The following SCHIP1 variants were observed in gnomAD, a reference collection of about 807,000 sequenced individuals.
The protein encoded by SCHIP1 is schwannomin interacting protein 1, also known as schwannomin-interacting protein 1.
A neutral mutation model predicts 29.7 loss-of-function variants in SCHIP1; 8 were observed. The ratio of observed to expected loss-of-function variants is 0.27; its 90% CI spans 0.16 to 0.49. The LOEUF is 0.49. SCHIP1 is among the 20% of genes least tolerant of loss of function. The probability of loss-of-function intolerance (pLI) is 0.99; values close to 1 mark genes in which losing one functional copy is unlikely to be tolerated. For synonymous variants in SCHIP1, 76 were observed against 94.9 expected (o/e 0.80, Z 1.16); for missense variants, 193 against 294.6 (o/e 0.66, Z 2.52).
chr3:159,445,827 G>A, the SCHIP1 span, among the ~76,000 whole-genome samples: 3 of 136,214 alleles, frequency 2.2e-5, no homozygotes, highest in South Asian at 7.1e-4. Flanking sequence ...ATTGAACAAT[G>A]AGAACACATG....
chr3:159,304,263 C>A, the SCHIP1 span, among the ~76,000 whole-genome samples: 1 of 152,044 alleles, frequency 6.6e-6, no homozygotes, highest in Non-Finnish European at 1.5e-5. Context: ...GTCTTTATAA[C>A]CATCATTTTA....
At chr3:159,640,175 T>G in the SCHIP1 span, among the ~76,000 whole-genome samples, 4 of 152,162 alleles carry the variant, frequency 2.6e-5, no homozygotes, top group African/African-American at 9.6e-5. Context: ...TAAGATAGTT[T>G]GACAATATAA....
At chr3:159,367,101 T>A in the SCHIP1 span, among the ~76,000 whole-genome samples, 6 of 152,156 alleles carry the variant, frequency 3.9e-5, no homozygotes, top group African/African-American at 1.4e-4. Flanking sequence ...TGAAAACTCC[T>A]CTTTGCCATA....
the SCHIP1 span, among the ~76,000 whole-genome samples, chr3:159,389,521 C>T: frequency 2.0e-5 from 3 of 152,036 alleles, no homozygotes; most frequent in South Asian, 6.2e-4. Context: ...CTTAGCAATT[C>T]CACTTATAGA....
At chr3:159,674,789 T>C in the SCHIP1 span, among the ~76,000 whole-genome samples, 12 of 152,278 alleles carry the variant, frequency 7.9e-5, no homozygotes, top group East Asian at 1.9e-3. Context: ...CAGTCGTACC[T>C]GGACCCACTG....
chr3:159,579,462 G>T, the SCHIP1 span, among the ~76,000 whole-genome samples: 1 of 152,154 alleles, frequency 6.6e-6, no homozygotes, highest in Admixed American at 6.6e-5. Context: ...ATATTTTGGG[G>T]TACTCCTATA....
At chr3:159,429,617 T>C in the SCHIP1 span, among the ~76,000 whole-genome samples, 2 of 152,184 alleles carry the variant, frequency 1.3e-5, no homozygotes, top group African/African-American at 4.8e-5. Flanking sequence ...ACTTCTTTCC[T>C]CCTGTTTCCC....
chr3:159,444,031 C>T, the SCHIP1 span, among the ~76,000 whole-genome samples: 13 of 150,740 alleles, frequency 8.6e-5, no homozygotes, highest in African/African-American at 3.2e-4. Context: ...TGTCCCCTAA[C>T]TAACTGCAGA....
chr3:159,885,890 G>A (rs1716915840), intron 2 of SCHIP1, among the ~76,000 whole-genome samples: 1 of 152,234 alleles, frequency 6.6e-6, no homozygotes, highest in Non-Finnish European at 1.5e-5. Context: ...CATCTTGATT[G>A]ACAGGACTGT....
chr3:159,433,898 C>A, the SCHIP1 span, among the ~76,000 whole-genome samples: 1 of 152,144 alleles, frequency 6.6e-6, no homozygotes, highest in Admixed American at 6.6e-5. Flanking sequence ...CTGATAAACA[C>A]CTGTCCCCAT....
the SCHIP1 span, among the ~76,000 whole-genome samples, chr3:159,400,250 C>T: frequency 6.6e-6 from 1 of 152,146 alleles, no homozygotes. Context: ...CAATGATGCA[C>T]ATGATTGTTA....
the SCHIP1 span, among the ~76,000 whole-genome samples, chr3:159,483,765 G>T: frequency 6.6e-6 from 1 of 152,062 alleles, no homozygotes; most frequent in African/African-American, 2.4e-5. Flanking sequence ...GCTATATACA[G>T]ATTTGTATGC....
chr3:159,674,198 A>G, the SCHIP1 span, among the ~76,000 whole-genome samples: 1 of 152,216 alleles, frequency 6.6e-6, no homozygotes, highest in Non-Finnish European at 1.5e-5. Context: ...TCATATATTT[A>G]TAAAATGTAA....
the SCHIP1 span, among the ~76,000 whole-genome samples, chr3:159,827,795 G>A: frequency 6.8e-6 from 1 of 147,326 alleles, no homozygotes. Context: ...TTGGGCGACA[G>A]AGCGAGACTC....
chr3:159,337,677 T>C, the SCHIP1 span, among the ~76,000 whole-genome samples: 11 of 152,150 alleles, frequency 7.2e-5, no homozygotes, highest in Non-Finnish European at 1.0e-4. Flanking sequence ...GTTTCTGTCC[T>C]CTGTACCATT....
At chr3:159,424,071 G>C in the SCHIP1 span, among the ~76,000 whole-genome samples, 4 of 66,032 alleles carry the variant, frequency 6.1e-5, no homozygotes, top group Non-Finnish European at 1.2e-4. Flanking sequence ...ACCAAAAGTA[G>C]ATAAAACCAC....
chr3:159,673,583 A>G, the SCHIP1 span, among the ~76,000 whole-genome samples: 1 of 152,186 alleles, frequency 6.6e-6, no homozygotes, highest in Non-Finnish European at 1.5e-5. Flanking sequence ...GTGAGCAGCT[A>G]TATAGGCCCA....
chr3:159,362,259 A>G, the SCHIP1 span, among the ~76,000 whole-genome samples: 1 of 152,212 alleles, frequency 6.6e-6, no homozygotes, highest in African/African-American at 2.4e-5. Flanking sequence ...GGTGAATGTA[A>G]GGTAAGGACT....
the SCHIP1 span, among the ~76,000 whole-genome samples, chr3:159,388,064 T>A: frequency 6.6e-6 from 1 of 152,146 alleles, no homozygotes. Context: ...ATGAAAAGAA[T>A]GCCTGGTACA....
Sources: allele counts gnomAD v4.1 joint callset (sites outside exome capture counted in the v4.1 genomes callset), GRCh38; gene constraint gnomAD v4.1.1; transcripts MANE v1.5; gene names NCBI Gene and HGNC (gene_info 2026-07-23, HGNC 2026-07-21).